The following SCAPER variants were observed in gnomAD, a reference collection of about 807,000 sequenced individuals.
SCAPER encodes S-phase cyclin A associated protein in the ER, also known as S phase cyclin A-associated protein in the endoplasmic reticulum.
A neutral mutation model predicts 182.2 loss-of-function variants in SCAPER; 98 were observed. The ratio of observed to expected loss-of-function variants is 0.54; its 90% CI spans 0.46 to 0.64. The LOEUF (loss-of-function observed/expected upper bound fraction) is 0.64. Ranked by LOEUF, SCAPER falls within the 30% of genes least tolerant of loss-of-function variation. The probability of loss-of-function intolerance (pLI) is 0.00; values close to 1 mark genes in which losing one functional copy is unlikely to be tolerated. For synonymous variants in SCAPER, 605 were observed against 564.6 expected (o/e 1.07, Z -1.01); for missense variants, 1,432 against 1,690.0 (o/e 0.85, Z 2.68).
Position 76,820,839 on chromosome 15 carries a change from G to C in SCAPER, c.394-16206C>G, listed in dbSNP as rs79438204. Among the ~76,000 whole-genome samples the C allele has an allele frequency of 4.2e-4, 64 of 151,464 alleles. No homozygotes were observed. In the East Asian group the frequency reaches 0.012, roughly 29 times the overall value. On this transcript the variant is annotated intron_variant, in intron 5 of 31. Coordinates refer to ENST00000563290, the MANE Select transcript of SCAPER (RefSeq NM_020843.4). Reference sequence around the variant, plus strand: ...AGTCCTTAACAGACACTTCACCAAAGAAGATATACAAATGGAAAATAAACA... The same window carrying C: ...AGTCCTTAACAGACACTTCACCAAACAAGATATACAAATGGAAAATAAACA...
At chr15:76,623,646 G>C (rs114359122) in intron 21 of SCAPER, among the ~76,000 whole-genome samples, 2 of 152,146 alleles carry the variant, frequency 1.3e-5, no homozygotes, top group Non-Finnish European at 2.9e-5. Context: ...CTTGGTTACT[G>C]TAGACTTATA....
chr15:76,392,474 G>A (rs998785776), intron 27 of SCAPER, among the ~76,000 whole-genome samples: 5 of 152,120 alleles, frequency 3.3e-5, no homozygotes, highest in African/African-American at 9.7e-5. Context: ...GGTGGCTCAC[G>A]CCTGCAATCC....
At chr15:76,709,782 T>G (rs951542558) in intron 17 of SCAPER, among the ~76,000 whole-genome samples, 1 of 152,190 alleles carries the variant, frequency 6.6e-6, no homozygotes, top group Non-Finnish European at 1.5e-5. Context: ...AACATGCCCT[T>G]GGCAAGAAGC....
In SCAPER at chr15:76,733,226, T is replaced by G. The variant is rs893604187; in HGVS notation, c.2022+3A>C. ...CAATGTTTGCTGAATAAAAAAATCC[T>G]ACCTGCACAGCTTCATCACGTGCTT... On this transcript the variant is annotated splice_donor_region_variant and intron_variant, in intron 16 of 31. Coordinates refer to ENST00000563290, the MANE Select transcript of SCAPER (RefSeq NM_020843.4). The G allele has an allele frequency of 6.4e-7, 1 of 1,559,708 alleles. No individual in the cohort carries two copies. The highest frequency in any genetic ancestry group is 2.4e-5 in the East Asian group (1 of 42,082).
chr15:76,904,969 A>C (rs1308599949), intron 1 of SCAPER, among the ~76,000 whole-genome samples: 1 of 150,704 alleles, frequency 6.6e-6, no homozygotes, highest in Non-Finnish European at 1.5e-5. Context: ...GCAGCCCCCC[A>C]CTCACCCCTC....
intron 25 of SCAPER, among the ~76,000 whole-genome samples, chr15:76,441,961 T>TA (rs1181706051): frequency 1.8e-4 from 27 of 151,952 alleles, no homozygotes; most frequent in Admixed American, 1.6e-3. Context: ...TGATTTTCAC[T>TA]AAAAAAAATT....
chr15:76,442,668 T>C (rs954660717), intron 25 of SCAPER, among the ~76,000 whole-genome samples: 2 of 152,240 alleles, frequency 1.3e-5, no homozygotes, highest in Non-Finnish European at 2.9e-5. Context: ...AGTATATCTA[T>C]TATTATGCCT....
chr15:76,890,147 C>T (rs1168820464), intron 1 of SCAPER, among the ~76,000 whole-genome samples: 2 of 152,198 alleles, frequency 1.3e-5, no homozygotes, highest in Non-Finnish European at 2.9e-5. Flanking sequence ...GTACCAGAAT[C>T]TCTAGGACAC....
At chr15:76,834,944 A>G (rs1238658181) in intron 5 of SCAPER, among the ~76,000 whole-genome samples, 5 of 152,140 alleles carry the variant, frequency 3.3e-5, no homozygotes, top group Admixed American at 2.6e-4. Context: ...TGAACCAGAC[A>G]GATTCACAGC....
intron 29 of SCAPER, among the ~76,000 whole-genome samples, chr15:76,369,917 G>A (rs1215219492): frequency 6.6e-6 from 1 of 152,176 alleles, no homozygotes; most frequent in Non-Finnish European, 1.5e-5. Context: ...GCTGAAGATG[G>A]CATCACAGAG....
At chr15:76,867,047 C>T (rs2072350790) in intron 2 of SCAPER, among the ~76,000 whole-genome samples, 1 of 152,162 alleles carries the variant, frequency 6.6e-6, no homozygotes, top group Non-Finnish European at 1.5e-5. Context: ...AAAGTGTTTA[C>T]AATAGTTACC....
At chr15:76,559,340 G>A (rs1318245219) in intron 23 of SCAPER, among the ~76,000 whole-genome samples, 2 of 151,616 alleles carry the variant, frequency 1.3e-5, no homozygotes, top group Non-Finnish European at 2.9e-5. Context: ...ACAGTTGTGA[G>A]CCACTGCACC....
At chr15:76,804,774 T>C (rs2066032612) in intron 5 of SCAPER, 141 bp from the exon 6 acceptor site, 1 of 486,200 alleles carries the variant, frequency 2.1e-6, no homozygotes, top group Non-Finnish European at 3.5e-6. Context: ...TACAGATTTT[T>C]TTTTTCATTC....
In SCAPER at chr15:76,354,277, G is replaced by T; in HGVS notation, c.3856-137C>A. Reference sequence around the variant, plus strand: ...AAAAGACTCCTGACTCCGTACCAGAGCTTAATTTAAGTGATACTTGAAAAG... The same window carrying T: ...AAAAGACTCCTGACTCCGTACCAGATCTTAATTTAAGTGATACTTGAAAAG... On this transcript the variant is annotated intron_variant, in intron 29 of 31. Transcript: ENST00000563290. The surrounding 1 kb of genome is among the most constrained non-coding windows in gnomAD (Gnocchi z 4.4). The T allele has an allele frequency of 3.2e-6, 2 of 628,444 alleles. No individual in the cohort carries two copies. Among genetic ancestry groups the T allele is most frequent in the Non-Finnish European group, 5.0e-6 (2 of 401,216 alleles). 38.9% of individuals were successfully genotyped at this position (628,444 alleles called of 1,614,324 possible).
At chr15:76,522,611 T>TA (rs1357619109) in intron 23 of SCAPER, among the ~76,000 whole-genome samples, 4 of 152,086 alleles carry the variant, frequency 2.6e-5, no homozygotes, top group Admixed American at 1.3e-4. Context: ...GACAGAGTAG[T>TA]AAATAAGTAT....
chr15:76,406,416 T>G (rs963434214), intron 26 of SCAPER, among the ~76,000 whole-genome samples: 2 of 151,978 alleles, frequency 1.3e-5, no homozygotes, highest in Non-Finnish European at 2.9e-5. Flanking sequence ...AAGTCGAAGT[T>G]GCAGTAAGCC....
intron 5 of SCAPER, among the ~76,000 whole-genome samples, chr15:76,838,128 T>G (rs1351822769): frequency 1.3e-5 from 2 of 152,080 alleles, no homozygotes; most frequent in Non-Finnish European, 1.5e-5. Context: ...CTATCCACAA[T>G]AGCAAAGACA....
chr15:76,818,815 G>A (rs1217779911), intron 5 of SCAPER, among the ~76,000 whole-genome samples: 2 of 152,242 alleles, frequency 1.3e-5, no homozygotes, highest in African/African-American at 4.8e-5. Context: ...AAGCCCAAGG[G>A]GTCAGGGAAT....
chr15:76,687,780 T>C (rs898779902), intron 20 of SCAPER, among the ~76,000 whole-genome samples: 10 of 152,228 alleles, frequency 6.6e-5, no homozygotes, highest in Admixed American at 1.3e-4. Flanking sequence ...TCATCCTTTT[T>C]TATGGCTGCA....
Sources: gnomAD v4.1 joint callset for allele counts (sites outside exome capture counted in the v4.1 genomes callset) on GRCh38, gnomAD v4.1.1 for gene constraint, Gnocchi (gnomAD v3.1) non-coding constraint, MANE v1.5 for transcripts, NCBI Gene and HGNC (gene_info 2026-07-23, HGNC 2026-07-21) for gene names.